PDE10A: variants seen among roughly 807,000 people sequenced by gnomAD.
PDE10A encodes cAMP and cAMP-inhibited cGMP 3',5'-cyclic phosphodiesterase 10A.
PDE10A carries 39 observed loss-of-function variants against 97.7 expected under a neutral mutation model. That is an observed-to-expected ratio of 0.40 (90% CI 0.31 to 0.52). The LOEUF is 0.52. Ranked by LOEUF, PDE10A falls within the 20% of genes least tolerant of loss-of-function variation. The probability of loss-of-function intolerance (pLI) is 0.56; values close to 1 mark genes in which losing one functional copy is unlikely to be tolerated. For synonymous variants in PDE10A, 371 were observed against 376.8 expected, an observed-to-expected ratio of 0.98 and a Z score of 0.18; for missense variants, 731 against 1,047.8, an observed-to-expected ratio of 0.70 and a Z score of 4.17.
chr6:165,569,726 G>A (rs1784958197), intron 1 of PDE10A, among the ~76,000 whole-genome samples: 1 of 152,150 alleles, frequency 6.6e-6, no homozygotes, highest in Admixed American at 6.5e-5. Flanking sequence ...CACAGGAAAT[G>A]TTACTCCCTA....
At chr6:165,686,501 G>C (rs1029266859) in intron 1 of PDE10A, among the ~76,000 whole-genome samples, 1 of 152,150 alleles carries the variant, frequency 6.6e-6, no homozygotes, top group Non-Finnish European at 1.5e-5. Context: ...CCAGAGACTA[G>C]TTCATGGGTT....
At chr6:165,442,837 G>A (rs994365847) in intron 5 of PDE10A, among the ~76,000 whole-genome samples, 5 of 152,028 alleles carry the variant, frequency 3.3e-5, no homozygotes, top group Non-Finnish European at 5.9e-5. Context: ...TCCAAGTCTA[G>A]GCCAGGCATG....
At chr6:165,464,271 C>T (rs927846319) in intron 3 of PDE10A, among the ~76,000 whole-genome samples, 2 of 152,162 alleles carry the variant, frequency 1.3e-5, no homozygotes, top group East Asian at 3.9e-4. Context: ...CTTACATATA[C>T]ATATATTAGG....
chr6:165,619,519 GT>G (rs1787994723), intron 1 of PDE10A, among the ~76,000 whole-genome samples: 1 of 77,602 alleles, frequency 1.3e-5, no homozygotes, highest in African/African-American at 6.6e-5. Flanking sequence ...GTAGTCTAGT[GT>G]AGTGTAGTGT....
intron 1 of PDE10A, among the ~76,000 whole-genome samples, chr6:165,975,779 A>G (rs1219436202): frequency 6.6e-6 from 1 of 152,250 alleles, no homozygotes; most frequent in African/African-American, 2.4e-5. Flanking sequence ...TCTAGAATAG[A>G]ATGGAATAGA....
intron 1 of PDE10A, among the ~76,000 whole-genome samples, chr6:165,962,992 G>A (rs1784403939): frequency 6.6e-6 from 1 of 152,238 alleles, no homozygotes; most frequent in Admixed American, 6.5e-5. Context: ...ACGCGTGGTT[G>A]TAATTGCTAT....
chr6:165,910,822 C>T (rs922437747), intron 1 of PDE10A: 2 of 152,198 alleles, frequency 1.3e-5, no homozygotes, highest in African/African-American at 4.8e-5. Context: ...GTTTGAATCG[C>T]AGCTCAGCTT....
intron 1 of PDE10A, among the ~76,000 whole-genome samples, chr6:165,680,675 G>A (rs1400396271): frequency 2.0e-5 from 3 of 152,150 alleles, no homozygotes; most frequent in African/African-American, 4.8e-5. Flanking sequence ...AGGCCGAGGC[G>A]GGCAGATCAC....
At chr6:165,634,923 C>G (rs963780861) in intron 1 of PDE10A, among the ~76,000 whole-genome samples, 1 of 152,206 alleles carries the variant, frequency 6.6e-6, no homozygotes, top group Non-Finnish European at 1.5e-5. Flanking sequence ...GTCCAGGTGG[C>G]TCCATGGGTC....
intron 8 of PDE10A, 50 bp downstream of exon 8, chr6:165,431,372 A>G (rs1404834502): frequency 7.6e-7 from 1 of 1,316,644 alleles, no homozygotes; most frequent in South Asian, 1.4e-5. Flanking sequence ...CTCACTCCAA[A>G]AACCTCTTCT....
Position 165,605,636 on chromosome 6 carries a change from T to C in PDE10A, c.865+56311A>G, listed in dbSNP as rs1052106810. ...CTTCCTTTGTGCTCTCGGTGAATCT[T>C]CCACTGAAGCAACACGGAAACCACA... On this transcript the variant is annotated intron_variant, in intron 1 of 21. Transcript: ENST00000539869. 2.6e-4 allele frequency among the ~76,000 whole-genome samples: 39 copies of C among 152,220 alleles called. 1 individual carries two copies. The highest frequency in any genetic ancestry group is 8.7e-4 in the African/African-American group (36 of 41,542).
intron 1 of PDE10A, among the ~76,000 whole-genome samples, chr6:165,941,254 A>C (rs1030310035): frequency 6.6e-6 from 1 of 152,144 alleles, no homozygotes; most frequent in African/African-American, 2.4e-5. Flanking sequence ...GGCAGATGGG[A>C]GTGCTTAGCA....
intron 1 of PDE10A, among the ~76,000 whole-genome samples, chr6:165,909,803 C>T (rs965006133): frequency 1.3e-5 from 2 of 152,084 alleles, no homozygotes; most frequent in Non-Finnish European, 2.9e-5. Context: ...CTCCCAAGCC[C>T]ACCTTGACAA....
chr6:165,340,719 A>G lies in PDE10A; in HGVS notation c.2896-1361T>C, dbSNP rs143649748. On this transcript the variant is annotated intron_variant, in intron 19 of 21. Transcript: ENST00000539869. The stretch of plus-strand genomic sequence containing the variant: ...AGCCAATCTGAGGCTTTCACAGAAT[A>G]CAGAGGGCAGGAGCATGCTCCAGGC... 5.9e-3 allele frequency among the ~76,000 whole-genome samples: 893 copies of G among 152,328 alleles called. 12 individuals carry two copies. The highest frequency in any genetic ancestry group is 0.02 in the African/African-American group (832 of 41,576).
intron 1 of PDE10A, among the ~76,000 whole-genome samples, chr6:165,942,638 C>G (rs539995310): frequency 1.3e-5 from 2 of 152,300 alleles, no homozygotes; most frequent in South Asian, 4.1e-4. Context: ...CCAGTTTCAG[C>G]TTGTTCCATT....
At chr6:165,864,750 A>T (rs1159533052) in intron 1 of PDE10A, among the ~76,000 whole-genome samples, 1 of 152,232 alleles carries the variant, frequency 6.6e-6, no homozygotes, top group African/African-American at 2.4e-5. Context: ...TAGGCAAAAA[A>T]ATTAATGTCC....
At chr6:165,896,407 G>T (rs1393460957) in intron 1 of PDE10A, among the ~76,000 whole-genome samples, 1 of 149,994 alleles carries the variant, frequency 6.7e-6, no homozygotes, top group African/African-American at 2.5e-5. Context: ...AGGCTGGAGT[G>T]CAGTGGCACG....
chr6:165,924,063 G>A (rs1782843768), intron 1 of PDE10A, among the ~76,000 whole-genome samples: 1 of 152,220 alleles, frequency 6.6e-6, no homozygotes, highest in African/African-American at 2.4e-5. Flanking sequence ...GCTAGTTGTA[G>A]ATGCAGAGTA....
chr6:165,874,461 A>G (rs1226400803), intron 1 of PDE10A, among the ~76,000 whole-genome samples: 1 of 152,226 alleles, frequency 6.6e-6, no homozygotes, highest in Non-Finnish European at 1.5e-5. Flanking sequence ...TGAGGCATGA[A>G]TTTATTCTAC....
Sources: gnomAD v4.1 joint callset for allele counts (sites outside exome capture counted in the v4.1 genomes callset) on GRCh38, gnomAD v4.1.1 for gene constraint, MANE v1.5 for transcripts, NCBI Gene and HGNC (gene_info 2026-07-23, HGNC 2026-07-21) for gene names.